The following ANKRD31 variants were observed in gnomAD, a reference collection of about 807,000 sequenced individuals.
ANKRD31 encodes the protein ankyrin repeat domain 31.
ANKRD31 carries 147 observed loss-of-function variants against 186.0 expected under a neutral mutation model. That is an observed-to-expected ratio of 0.79 (90% confidence interval 0.69 to 0.91). ANKRD31 has a LOEUF of 0.91. ANKRD31 is among the 40% of genes least tolerant of loss of function. The pLI is 0.00. For missense variants in ANKRD31, 1,986 were observed against 2,148.8 expected, an observed-to-expected ratio of 0.92 and a Z score of 1.50; for synonymous variants, 673 against 736.4, an observed-to-expected ratio of 0.91 and a Z score of 1.39.
chr5:75,118,575 G>A lies in ANKRD31; in HGVS notation c.3877-278C>T, dbSNP rs372156471. Among the ~76,000 whole-genome samples, 8 of 152,222 alleles carry A rather than the reference G, an allele frequency of 5.3e-5. No homozygotes were observed. The East Asian group carries it at 1.2e-3, about 22-fold the overall frequency. On this transcript the variant is annotated intron_variant, in intron 17 of 25. Transcript: ENST00000506364. ...GCATAGGGAGGTTCAGTTCTAGATC[G>A]GTACTGCCCAGTAGAATTTTCTGTG...
chr5:75,182,892 T>C (rs1020749692), intron 10 of ANKRD31, among the ~76,000 whole-genome samples: 13 of 151,936 alleles, frequency 8.6e-5, no homozygotes, highest in East Asian at 3.9e-4. Flanking sequence ...TGAAGAAAAT[T>C]CCCAAAGAAA....
At chr5:75,198,233 A>G (rs1457645052) in intron 6 of ANKRD31, among the ~76,000 whole-genome samples, 9 of 152,156 alleles carry the variant, frequency 5.9e-5, no homozygotes. Flanking sequence ...CCCTAAATAG[A>G]GGACACAAAT....
chr5:75,136,777 A>G (rs1470240301), intron 17 of ANKRD31, among the ~76,000 whole-genome samples: 1 of 152,202 alleles, frequency 6.6e-6, no homozygotes, highest in African/African-American at 2.4e-5. Flanking sequence ...ATGTCCATCA[A>G]TGATAGAGTG....
intron 10 of ANKRD31, among the ~76,000 whole-genome samples, chr5:75,185,145 C>T (rs1195038406): frequency 6.6e-6 from 1 of 152,082 alleles, no homozygotes; most frequent in Non-Finnish European, 1.5e-5. Flanking sequence ...TACTCATATG[C>T]AGAATCTAAA....
chr5:75,131,032 C>A (rs907506468), intron 17 of ANKRD31, among the ~76,000 whole-genome samples: 5 of 152,246 alleles, frequency 3.3e-5, no homozygotes, highest in Non-Finnish European at 5.9e-5. Flanking sequence ...CGGGACCCAG[C>A]CTCCTATCAA....
intron 1 of ANKRD31, among the ~76,000 whole-genome samples, chr5:75,235,082 CAT>C (rs1758176931): frequency 6.6e-6 from 1 of 151,912 alleles, no homozygotes; most frequent in African/African-American, 2.4e-5. Context: ...GTGCCAGTAT[CAT>C]ATTTAAAATA....
intron 25 of ANKRD31, among the ~76,000 whole-genome samples, chr5:75,080,231 G>A (rs182567655): frequency 6.6e-6 from 1 of 152,228 alleles, no homozygotes; most frequent in African/African-American, 2.4e-5. Context: ...CACCTCTTAA[G>A]ACAATCAAAG....
intron 23 of ANKRD31, among the ~76,000 whole-genome samples, chr5:75,086,424 G>A (rs1393076085): frequency 2.6e-5 from 4 of 152,042 alleles, no homozygotes; most frequent in Admixed American, 6.6e-5. Flanking sequence ...AAGCATAAGG[G>A]CAGTCATTAC....
intron 23 of ANKRD31, among the ~76,000 whole-genome samples, chr5:75,090,694 G>A (rs1745857974): frequency 6.6e-6 from 1 of 152,186 alleles, no homozygotes; most frequent in African/African-American, 2.4e-5. Context: ...TAACTCAGAA[G>A]CCAGAACTGA....
At chr5:75,226,807 C>T (rs1235644681) in intron 2 of ANKRD31, among the ~76,000 whole-genome samples, 1 of 152,156 alleles carries the variant, frequency 6.6e-6, no homozygotes, top group Admixed American at 6.5e-5. Flanking sequence ...TGAACCATCA[C>T]ACACTGTTGG....
intron 10 of ANKRD31, among the ~76,000 whole-genome samples, chr5:75,183,801 G>A (rs1273769661): frequency 1.3e-5 from 2 of 151,974 alleles, no homozygotes; most frequent in Non-Finnish European, 2.9e-5. Flanking sequence ...TTCATGGATT[G>A]GAATAATTAA....
At chr5:75,110,714 A>C (rs1198323097) in intron 20 of ANKRD31, among the ~76,000 whole-genome samples, 1 of 151,038 alleles carries the variant, frequency 6.6e-6, no homozygotes, top group Non-Finnish European at 1.5e-5. Context: ...TCTCAAAAAA[A>C]AAAGCACCAC....
intron 11 of ANKRD31, among the ~76,000 whole-genome samples, chr5:75,157,695 G>A (rs1561486771): frequency 6.6e-6 from 1 of 152,146 alleles, no homozygotes; most frequent in East Asian, 1.9e-4. Context: ...CTGTTGTCTA[G>A]TGGCATGAAT....
chr5:75,135,669 T>G lies in ANKRD31; in HGVS notation c.3876+2187A>C, dbSNP rs553285510. Among the ~76,000 whole-genome samples the G allele has an allele frequency of 6.1e-3, 932 of 152,198 alleles. 5 individuals carry two copies. Among genetic ancestry groups the G allele is most frequent in the Middle Eastern group, 0.01 (3 of 294 alleles). ...TTCACAGAATTGGAAAAAACTACTT[T>G]AAAGTTCATATGGAACCAAAAAAGA... On this transcript the variant is annotated intron_variant, in intron 17 of 25. Coordinates refer to ENST00000506364, the MANE Select transcript of ANKRD31 (RefSeq NM_001372053.1).
intron 2 of ANKRD31, among the ~76,000 whole-genome samples, chr5:75,229,002 G>A (rs1221210487): frequency 2.7e-5 from 4 of 150,380 alleles, no homozygotes; most frequent in East Asian, 1.9e-4. Context: ...GAAAACCTTC[G>A]TGGGTGTTTA....
intron 10 of ANKRD31, among the ~76,000 whole-genome samples, chr5:75,174,066 A>G (rs1345039067): frequency 6.6e-6 from 1 of 152,200 alleles, no homozygotes; most frequent in Non-Finnish European, 1.5e-5. Flanking sequence ...GACCTCAGAA[A>G]TAACAGCACA....
At chr5:75,183,012 A>T (rs987162849) in intron 10 of ANKRD31, among the ~76,000 whole-genome samples, 3 of 152,176 alleles carry the variant, frequency 2.0e-5, no homozygotes, top group Admixed American at 6.5e-5. Flanking sequence ...ATCTTCAACA[A>T]AATACAAGCA....
intron 4 of ANKRD31, among the ~76,000 whole-genome samples, chr5:75,209,355 C>G (rs188041695): frequency 1.3e-5 from 2 of 152,172 alleles, no homozygotes; most frequent in African/African-American, 4.8e-5. Flanking sequence ...GCTTACAACT[C>G]AAACAAGTGC....
chr5:75,154,386 G>A, intron 11 of ANKRD31, 41 bp from the exon 12 acceptor site: 2 of 1,476,624 alleles, frequency 1.4e-6, no homozygotes, highest in Non-Finnish European at 1.8e-6. Context: ...CAGATTGAGG[G>A]TGTATTACTG....
Sources: gnomAD v4.1 joint callset for allele counts (sites outside exome capture counted in the v4.1 genomes callset) on GRCh38, gnomAD v4.1.1 for gene constraint, MANE v1.5 for transcripts, NCBI Gene and HGNC (gene_info 2026-07-23, HGNC 2026-07-21) for gene names.